BATF3: variants seen among roughly 807,000 people sequenced by gnomAD.
The protein encoded by BATF3 is basic leucine zipper transcriptional factor ATF-like 3.
In BATF3, 8 loss-of-function variants were observed where a neutral mutation model predicts 16.1. The ratio of observed to expected loss-of-function variants is 0.50; its 90% CI spans 0.29 to 0.90. BATF3 has a LOEUF of 0.90. Among genes scored for constraint, BATF3 ranks in the 40% least tolerant of loss-of-function variants. BATF3 has a pLI of 0.08. For synonymous variants in BATF3, 74 were observed against 72.7 expected (o/e 1.02, Z -0.09); for missense variants, 139 against 167.0 (o/e 0.83, Z 0.92).
Position 212,689,182 on chromosome 1 carries a change from C to T in BATF3, c.196-2203G>A, listed in dbSNP as rs1412985436. Among the ~76,000 whole-genome samples, 1 of 152,176 alleles carries T rather than the reference C, an allele frequency of 6.6e-6. No individual in the cohort carries two copies. Among genetic ancestry groups the T allele is most frequent in the Non-Finnish European group, 1.5e-5 (1 of 68,032 alleles). On this transcript the variant is annotated intron_variant, in intron 2 of 2. Coordinates refer to ENST00000243440, the MANE Select transcript of BATF3 (RefSeq NM_018664.3). The surrounding 1 kb of genome is among the most constrained non-coding windows in gnomAD (Gnocchi z 4.6). The stretch of plus-strand genomic sequence containing the variant: ...ATCAGAAATGTAAAGGACCTAGGAA[C>T]TTCTGCTACTCCTCTCCTCTACCCC...
chr1:212,687,043 G>A (rs1476700971), intron 2 of BATF3, 64 bp from the exon 3 acceptor site: 2 of 1,064,680 alleles, frequency 1.9e-6, no homozygotes, highest in Non-Finnish European at 2.9e-6. Flanking sequence ...GTCCTCCTGT[G>A]CCGCGCTGTT....
At chr1:212,695,996 G>C (rs964115255) in intron 2 of BATF3, among the ~76,000 whole-genome samples, 1 of 152,182 alleles carries the variant, frequency 6.6e-6, no homozygotes, top group Admixed American at 6.5e-5. Flanking sequence ...CATCACAGGA[G>C]CCTGCAGTGG....
chr1:212,698,138 G>A (rs1176716982), intron 1 of BATF3: 1 of 152,124 alleles, frequency 6.6e-6, no homozygotes, highest in African/African-American at 2.4e-5. Flanking sequence ...AACATACATA[G>A]CAAATAGAAG....
Position 212,699,309 on chromosome 1 carries a change from G to A in BATF3, c.90+364C>T, listed in dbSNP as rs1353242607. 1.3e-5 allele frequency among the ~76,000 whole-genome samples: 2 copies of A among 152,162 alleles called. No individual in the cohort carries two copies. Among genetic ancestry groups the A allele is most frequent in the East Asian group, 1.9e-4 (1 of 5,180 alleles). On this transcript the variant is annotated intron_variant, in intron 1 of 2. Coordinates refer to ENST00000243440, the MANE Select transcript of BATF3 (RefSeq NM_018664.3). This position sits in a 1 kb window ranked among gnomAD's most constrained non-coding sequence, Gnocchi z 4.4. Reference sequence around the variant, plus strand: ...GGGCTACAGGCGCGGGTGGTGGGGTGGCAGTCGCTGGCTGCGCCAGGATGG... The same window carrying A: ...GGGCTACAGGCGCGGGTGGTGGGGTAGCAGTCGCTGGCTGCGCCAGGATGG...
intron 2 of BATF3, among the ~76,000 whole-genome samples, chr1:212,693,936 A>G (rs1657064769): frequency 6.6e-6 from 1 of 152,190 alleles, no homozygotes; most frequent in Non-Finnish European, 1.5e-5. Context: ...CTTACATAGC[A>G]AAAGGGACTA....
chr1:212,699,257 C>T lies in BATF3; in HGVS notation c.90+416G>A, dbSNP rs963451062. 3.9e-5 allele frequency among the ~76,000 whole-genome samples: 3 copies of T among 76,094 alleles called. No homozygotes were observed. The highest frequency in any genetic ancestry group is 1.4e-4 in the African/African-American group (3 of 20,884). The allele number at this position is 76,094 out of a possible 152,430, so 49.9% of individuals were successfully genotyped here. Reference sequence around the variant, plus strand: ...GGCGTTCTCCATTCCCGCGGCAGCACCCCCCCCACCCGGGGGAATCCTGGA... The same window carrying T: ...GGCGTTCTCCATTCCCGCGGCAGCATCCCCCCCACCCGGGGGAATCCTGGA... On this transcript the variant is annotated intron_variant, in intron 1 of 2. Transcript: ENST00000243440. The surrounding 1 kb of genome is among the most constrained non-coding windows in gnomAD (Gnocchi z 4.4).
rs1347750961 is a variant in BATF3 at position 212,699,745 on chromosome 1, C to T, written c.18G>A (p.Pro6=). The T allele has an allele frequency of 2.3e-6, 3 of 1,295,550 alleles. No individual in the cohort carries two copies. The highest frequency in any genetic ancestry group is 2.0e-6 in the Non-Finnish European group (2 of 1,019,232). 80.3% of individuals were successfully genotyped at this position (1,295,550 alleles called of 1,614,324 possible). A position where few individuals can be genotyped will look rare whatever the true frequency, so the allele number is the denominator to read the frequency against. ...TCCTCTGCAGGACGCTGCCGGCGGC[C>T]GGGAGCCCTTGCGACATGCCGGGCG... The part of the protein sequence containing the change: MSQGL[P]AAGSVLQRSV... Residue 6 remains proline (P), a synonymous_variant, in exon 1 of 3, where the codon CCG becomes CCA. Transcript: ENST00000243440. The surrounding 1 kb of genome is among the most constrained non-coding windows in gnomAD (Gnocchi z 4.4).
At chr1:212,688,820 C>T (rs1656925304) in intron 2 of BATF3, among the ~76,000 whole-genome samples, 1 of 152,192 alleles carries the variant, frequency 6.6e-6, no homozygotes, top group Admixed American at 6.5e-5. Context: ...CTTTGTTGTA[C>T]CATGCACACC....
chr1:212,692,197 C>G (rs1657015736), intron 2 of BATF3, among the ~76,000 whole-genome samples: 1 of 152,062 alleles, frequency 6.6e-6, no homozygotes, highest in African/African-American at 2.4e-5. Context: ...AGGGAGGTGG[C>G]CGAAAAACTC....
At chr1:212,696,023 C>T (rs1657117778) in intron 2 of BATF3, among the ~76,000 whole-genome samples, 2 of 152,078 alleles carry the variant, frequency 1.3e-5, no homozygotes, top group South Asian at 4.1e-4. Flanking sequence ...GGAGAAACAG[C>T]TCAGCAGACA....
chr1:212,689,957 AAC>A lies in BATF3; in HGVS notation c.196-2980_196-2979del, dbSNP rs1446163188. ...TACACAATCAACACACAGTCACACA[AAC>A]ACTCTCACAGTCACACACATACAGT... On this transcript the variant is annotated intron_variant, in intron 2 of 2. Coordinates refer to ENST00000243440, the MANE Select transcript of BATF3 (RefSeq NM_018664.3). The surrounding 1 kb of genome is among the most constrained non-coding windows in gnomAD (Gnocchi z 4.6). Among the ~76,000 whole-genome samples the A allele has an allele frequency of 4.1e-5, 6 of 145,692 alleles. No homozygotes were observed. The East Asian group carries it at 9.7e-4, about 24-fold the overall frequency.
Position 212,699,647 on chromosome 1 carries a change from C to T in BATF3, c.90+26G>A, listed in dbSNP as rs1571838711. The T allele has an allele frequency of 1.5e-6, 2 of 1,296,698 alleles. No individual in the cohort carries two copies. Among genetic ancestry groups the T allele is most frequent in the East Asian group, 6.3e-5 (2 of 31,768 alleles). The allele number at this position is 1,296,698 out of a possible 1,614,324, so 80.3% of individuals were successfully genotyped here. ...GCGCGCCGGTCCCCGCACCCCACGG[C>T]CCTCCCTGAGCCTCTCGCCCTCTAC... On this transcript the variant is annotated intron_variant, in intron 1 of 2. Coordinates refer to ENST00000243440, the MANE Select transcript of BATF3 (RefSeq NM_018664.3). This position sits in a 1 kb window ranked among gnomAD's most constrained non-coding sequence, Gnocchi z 4.4.
chr1:212,696,880 A>C (rs1324000266), intron 2 of BATF3, 81 bp downstream of exon 2: 2 of 1,015,522 alleles, frequency 2.0e-6, no homozygotes, highest in African/African-American at 3.2e-5. Context: ...ATCGTGATAA[A>C]GAGAACAGTC....
chr1:212,689,688 C>T lies in BATF3; in HGVS notation c.196-2709G>A, dbSNP rs1656948505. Among the ~76,000 whole-genome samples the T allele has an allele frequency of 6.6e-6, 1 of 152,022 alleles. No homozygotes were observed. Among genetic ancestry groups the T allele is most frequent in the African/African-American group, 2.4e-5 (1 of 41,362 alleles). ...GGGATGAGAAAAGCTGCAGCACACA[C>T]ACACGTCTGCAAACACACACTCACA... On this transcript the variant is annotated intron_variant, in intron 2 of 2. Transcript: ENST00000243440. The surrounding 1 kb of genome is among the most constrained non-coding windows in gnomAD (Gnocchi z 4.6).
intron 2 of BATF3, among the ~76,000 whole-genome samples, chr1:212,687,969 A>AAGAAAGAAAGAAAGAAAGAAAGAG (rs1656888713): frequency 1.8e-5 from 2 of 112,862 alleles, no homozygotes. Flanking sequence ...AAGAAAAAAA[A>AAGAAAGAAAGAAAGAAAGAAAGAG]AGAAAGAAAG....
At chr1:212,688,374 G>A (rs541932765) in intron 2 of BATF3, among the ~76,000 whole-genome samples, 1 of 152,356 alleles carries the variant, frequency 6.6e-6, no homozygotes, top group East Asian at 1.9e-4. Context: ...ATGTGTGGCA[G>A]TGACCTCTCC....
chr1:212,698,956 G>A (rs1657193662), intron 1 of BATF3, among the ~76,000 whole-genome samples: 1 of 152,218 alleles, frequency 6.6e-6, no homozygotes, highest in Non-Finnish European at 1.5e-5. Context: ...TCAGATCTCT[G>A]TGACACTCCA....
At chr1:212,687,048 G>T in intron 2 of BATF3, 69 bp from the exon 3 acceptor site, 2 of 990,288 alleles carry the variant, frequency 2.0e-6, no homozygotes, top group Non-Finnish European at 3.2e-6. Flanking sequence ...CCTGTGCCGC[G>T]CTGTTCACCT....
chr1:212,697,179 C>A, intron 1 of BATF3, 114 bp from the exon 2 acceptor site: 1 of 779,234 alleles, frequency 1.3e-6, no homozygotes, highest in South Asian at 1.6e-5. Context: ...TTGCAGTAGA[C>A]AGCACCACTA....
Sources: gnomAD v4.1 joint callset for allele counts (sites outside exome capture counted in the v4.1 genomes callset) on GRCh38, gnomAD v4.1.1 for gene constraint, Gnocchi (gnomAD v3.1) non-coding constraint, MANE v1.5 for transcripts, NCBI Gene and HGNC (gene_info 2026-07-23, HGNC 2026-07-21) for gene names.